The following SEC23A variants were observed in gnomAD, a reference collection of about 807,000 sequenced individuals.
SEC23A encodes SEC23 homolog A, COPII component.
In SEC23A, 56 loss-of-function variants were observed where a neutral mutation model predicts 103.7. That is an observed-to-expected ratio of 0.54 (90% CI 0.44 to 0.67). The LOEUF is 0.67. Ranked by LOEUF, SEC23A falls within the 30% of genes least tolerant of loss-of-function variation. The pLI is 0.00. For synonymous variants in SEC23A, 281 were observed against 293.0 expected (o/e 0.96, Z 0.42); for missense variants, 784 against 936.4 (o/e 0.84, Z 2.12).
intron 14 of SEC23A, among the ~76,000 whole-genome samples, chr14:39,053,516 T>G (rs921322484): frequency 6.9e-6 from 1 of 144,138 alleles, no homozygotes; most frequent in Non-Finnish European, 1.5e-5. Flanking sequence ...ATCTTTCTTG[T>G]TTTTTTTTTT....
chr14:39,085,438 C>A (rs1887399447), intron 7 of SEC23A, among the ~76,000 whole-genome samples: 1 of 152,128 alleles, frequency 6.6e-6, no homozygotes, highest in Non-Finnish European at 1.5e-5. Context: ...AGGTGACAAC[C>A]TACTATGTGA....
At chr14:39,067,723 T>C (rs1594460513) in intron 9 of SEC23A, among the ~76,000 whole-genome samples, 1 of 140,496 alleles carries the variant, frequency 7.1e-6, no homozygotes, top group African/African-American at 2.7e-5. Flanking sequence ...TAGGCTGGAG[T>C]GCAGTGGAAC....
rs533357640 is a variant in SEC23A, at chr14:39,077,708, T to C, written c.829-1615A>G. On this transcript the variant is annotated intron_variant, in intron 7 of 19. Coordinates refer to ENST00000307712, the MANE Select transcript of SEC23A (RefSeq NM_006364.4). ...TAAGAGAAAAGTTGTTTTAGGTGGA[T>C]CACTTGAGGCCAGGAGTTCGAGACT... is the stretch of plus-strand genomic sequence containing the variant. Among the ~76,000 whole-genome samples, 5 of 152,178 alleles carry C rather than the reference T, an allele frequency of 3.3e-5. No individual in the cohort carries two copies. The South Asian group carries it at 1.0e-3, about 32-fold the overall frequency.
chr14:39,054,518 T>A (rs144206948), intron 14 of SEC23A, among the ~76,000 whole-genome samples: 10 of 152,296 alleles, frequency 6.6e-5, no homozygotes, highest in Admixed American at 6.5e-4. Context: ...TTGCCCAGGC[T>A]GGAATGCAGC....
intron 5 of SEC23A, chr14:39,088,018 A>ACACCATATTGAGAATTTC (rs950724753): frequency 6.6e-5 from 10 of 152,342 alleles, no homozygotes; most frequent in Non-Finnish European, 1.5e-4. Flanking sequence ...ATAAGGGTTT[A>ACACCATATTGAGAATTTC]CACCATATTG....
chr14:39,074,497 T>G lies in SEC23A; in HGVS notation c.1021A>C (p.Thr341Pro). Residue 341 changes from threonine to proline, a missense_variant, in exon 9 of 20, where the codon ACT (threonine) becomes CCT (proline). Physicochemically the swap from Thr to Pro is conservative, Grantham distance 38. This residue lies in a region of SEC23A where 683 missense variants were observed against 774.2 expected (regional missense o/e 0.88). Coordinates refer to ENST00000307712, the MANE Select transcript of SEC23A (RefSeq NM_006364.4). ...GCATAGATATCAATAACATGGCCAG[T>G]TGTAGCAGCTCGATTAGCCAATGCT... ...FEALANRAAT[T>P]GHVIDIYACA... 6.2e-7 allele frequency: 1 copy of G among 1,613,204 alleles called. No homozygotes were observed.
chr14:39,086,591 C>CTT (rs1300435332), intron 6 of SEC23A, among the ~76,000 whole-genome samples: 18 of 152,072 alleles, frequency 1.2e-4, no homozygotes, highest in Admixed American at 6.6e-4. Flanking sequence ...CACTGCACTC[C>CTT]AGAAACCTTA....
chr14:39,035,771 G>A (rs1885437572), intron 19 of SEC23A, among the ~76,000 whole-genome samples: 1 of 152,150 alleles, frequency 6.6e-6, no homozygotes, highest in East Asian at 1.9e-4. Context: ...AATCAAAAAT[G>A]AAAATGACAG....
At chr14:39,080,940 C>T (rs550109961) in intron 7 of SEC23A, among the ~76,000 whole-genome samples, 44 of 152,192 alleles carry the variant, frequency 2.9e-4, no homozygotes, top group African/African-American at 1.0e-3. Flanking sequence ...GAAAATAAGG[C>T]TGGTATCAGC....
chr14:39,075,986 C>A lies in SEC23A; in HGVS notation c.936G>T (p.Ser312=). The A allele has an allele frequency of 6.2e-7, 1 of 1,613,916 alleles. No individual in the cohort carries two copies. Among genetic ancestry groups the A allele is most frequent in the South Asian group, 1.1e-5 (1 of 91,070 alleles). ...CATTGTCTTTGTCAATGTCATGCCA[C>A]GATCTTATAGGTGTCTTCAACTCAT... The part of the protein sequence containing the change: ...VGDELKTPIR[S]WHDIDKDNAK... The change falls in exon 8 of 20, where the codon TCG becomes TCT. Residue 312 remains serine (S), a synonymous_variant. Transcript: ENST00000307712.
intron 2 of SEC23A, among the ~76,000 whole-genome samples, chr14:39,093,954 C>T (rs1242099971): frequency 6.6e-6 from 1 of 151,948 alleles, no homozygotes; most frequent in Non-Finnish European, 1.5e-5. Flanking sequence ...AAAAAGAGAA[C>T]TGCTCTCATG....
chr14:39,094,292 GCATATATACACATATACATATATATGCA>G (rs1202894103), intron 2 of SEC23A, among the ~76,000 whole-genome samples: 1 of 75,032 alleles, frequency 1.3e-5, no homozygotes, highest in Non-Finnish European at 2.7e-5. Context: ...ACATATATAT[GCATATATACACATATACATATATATGCA>G]TATATACACA....
At chr14:39,060,322 T>C (rs1886431677) in intron 13 of SEC23A, among the ~76,000 whole-genome samples, 1 of 152,208 alleles carries the variant, frequency 6.6e-6, no homozygotes, top group South Asian at 2.1e-4. Context: ...TGTACAACCC[T>C]GTGCTAAGTA....
Position 39,095,926 on chromosome 14 carries a change from T to C in SEC23A, c.193A>G (p.Thr65Ala). 1.2e-6 allele frequency: 2 copies of C among 1,613,988 alleles called. No individual in the cohort carries two copies. The highest frequency in any genetic ancestry group is 1.7e-6 in the Non-Finnish European group (2 of 1,179,848). Residue 65 changes from threonine (T) to alanine (A), a missense_variant, in exon 2 of 20, where the codon ACT becomes GCT. Transcript: ENST00000307712. ...AAAGGATTCAAAACTGCACGGCAAGTGGTCCTACTACACAGAACAGGTTCA... is the reference window on the plus strand; with the variant it reads ...AAAGGATTCAAAACTGCACGGCAAGCGGTCCTACTACACAGAACAGGTTCA... ...QYEPVLCSRT[T>A]CRAVLNPLCQ...
chr14:39,045,665 A>C (rs1393184527), intron 15 of SEC23A, among the ~76,000 whole-genome samples: 2 of 152,144 alleles, frequency 1.3e-5, no homozygotes, highest in Non-Finnish European at 2.9e-5. Flanking sequence ...GCAACATAAC[A>C]AGACTTTGTA....
chr14:39,065,034 T>C, intron 10 of SEC23A, 41 bp from the exon 11 acceptor site: 2 of 1,269,480 alleles, frequency 1.6e-6, no homozygotes, highest in Non-Finnish European at 2.3e-6. Flanking sequence ...TCCTCAAAGA[T>C]ACGTTCAAAT....
At chr14:39,085,012 A>G (rs1259616964) in intron 7 of SEC23A, among the ~76,000 whole-genome samples, 1 of 152,226 alleles carries the variant, frequency 6.6e-6, no homozygotes, top group Non-Finnish European at 1.5e-5. Flanking sequence ...GATAGCTTCA[A>G]GATGGGGGCT....
intron 17 of SEC23A, 198 bp from the exon 18 acceptor site, chr14:39,041,085 T>C: frequency 1.8e-6 from 1 of 546,222 alleles, no homozygotes; most frequent in Non-Finnish European, 2.9e-6. Context: ...TTCTTCTCCT[T>C]TAAAAGTAAA....
chr14:39,066,036 A>G (rs1052672371), intron 10 of SEC23A, among the ~76,000 whole-genome samples: 12 of 145,336 alleles, frequency 8.3e-5, no homozygotes, highest in Non-Finnish European at 1.5e-4. Flanking sequence ...AAAAAAAACT[A>G]TAAGTCACAC....
Sources: gnomAD v4.1 joint callset for allele counts (sites outside exome capture counted in the v4.1 genomes callset) on GRCh38, gnomAD v4.1.1 for gene constraint, gnomAD v4.1.1 regional missense constraint, MANE v1.5 for transcripts, NCBI Gene and HGNC (gene_info 2026-07-23, HGNC 2026-07-21) for gene names.